FBXO15: variants seen among roughly 807,000 people sequenced by gnomAD.
FBXO15 encodes the protein F-box only protein 15.
FBXO15 carries 30 observed loss-of-function variants against 49.5 expected under a neutral mutation model. The observed-to-expected ratio is 0.61, with a 90% CI of 0.45 to 0.82. FBXO15 has a LOEUF of 0.82. FBXO15 is among the 40% of genes least tolerant of loss of function. FBXO15 has a pLI of 0.00. For synonymous variants in FBXO15, 250 were observed against 232.7 expected, an observed-to-expected ratio of 1.07 and a Z score of -0.68; for missense variants, 591 against 631.5, an observed-to-expected ratio of 0.94 and a Z score of 0.69.
chr18:74,136,892 T>G (rs1241109403), intron 2 of FBXO15, among the ~76,000 whole-genome samples: 2 of 152,188 alleles, frequency 1.3e-5, no homozygotes, highest in African/African-American at 4.8e-5. Context: ...AGAAATCTTT[T>G]GTCCAATTTA....
In FBXO15 at chr18:74,135,989, A is replaced by C. The variant is rs1978696346; in HGVS notation, c.228-123T>G. On this transcript the variant is annotated intron_variant, in intron 2 of 9. Coordinates refer to ENST00000419743, the MANE Select transcript of FBXO15 (RefSeq NM_001142958.2). The stretch of plus-strand genomic sequence containing the variant: ...AAGGCCGTAGAGAGACCCCTCCTGT[A>C]CAAGAGGCAAACTGTACCCTCATCT... 7 of 659,516 alleles carry C rather than the reference A, an allele frequency of 1.1e-5. No individual in the cohort carries two copies. The Admixed American group carries it at 2.2e-4, about 20-fold the overall frequency. The allele number at this position is 659,516 out of a possible 1,614,324, so 40.9% of individuals were successfully genotyped here. A position where few individuals can be genotyped will look rare whatever the true frequency, so the allele number is the denominator to read the frequency against.
intron 3 of FBXO15, among the ~76,000 whole-genome samples, chr18:74,134,768 G>A (rs1398964343): frequency 1.3e-5 from 2 of 152,144 alleles, no homozygotes; most frequent in East Asian, 3.9e-4. Flanking sequence ...TGGTTCATAT[G>A]TAGTCTTCCC....
intron 8 of FBXO15, among the ~76,000 whole-genome samples, chr18:74,110,198 T>TATATATATATATATATACATATGTGTGC (rs1568168418): frequency 2.4e-4 from 30 of 123,656 alleles, no homozygotes; most frequent in Middle Eastern, 3.9e-3. Flanking sequence ...TGTGTGCATA[T>TATATATATATATATATACATATGTGTGC]ATATATATAT....
chr18:74,103,660 C>G (rs747360163), intron 8 of FBXO15, among the ~76,000 whole-genome samples: 4 of 152,114 alleles, frequency 2.6e-5, no homozygotes, highest in Non-Finnish European at 5.9e-5. Context: ...AGCACAAATT[C>G]ATCTGGCAAT....
intron 8 of FBXO15, among the ~76,000 whole-genome samples, chr18:74,086,433 T>C (rs2145116001): frequency 6.6e-6 from 1 of 152,316 alleles, no homozygotes; most frequent in Admixed American, 6.5e-5. Context: ...TAGCGTTTTG[T>C]TTTGTTTTGT....
intron 8 of FBXO15, among the ~76,000 whole-genome samples, chr18:74,107,980 G>C (rs532295562): frequency 6.6e-6 from 1 of 152,104 alleles, no homozygotes; most frequent in Non-Finnish European, 1.5e-5. Context: ...ACTGAGAAGC[G>C]CCTGTGAAGT....
At chr18:74,078,297 C>T (rs1320711610) in intron 9 of FBXO15, among the ~76,000 whole-genome samples, 2 of 152,090 alleles carry the variant, frequency 1.3e-5, no homozygotes, top group African/African-American at 4.8e-5. Context: ...ACAGATACAC[C>T]AAAATCCAAA....
chr18:74,095,750 C>T (rs1913244488), intron 8 of FBXO15, among the ~76,000 whole-genome samples: 1 of 152,212 alleles, frequency 6.6e-6, no homozygotes. Flanking sequence ...AATAGATGTG[C>T]TTCATGCAGA....
At chr18:74,107,236 G>A in intron 8 of FBXO15, among the ~76,000 whole-genome samples, 1 of 149,754 alleles carries the variant, frequency 6.7e-6, no homozygotes, top group East Asian at 1.9e-4. Context: ...GTAATAATAT[G>A]GATGAATCTA....
chr18:74,115,061 C>T (rs150198760), intron 8 of FBXO15, among the ~76,000 whole-genome samples: 50 of 152,234 alleles, frequency 3.3e-4, no homozygotes, highest in Middle Eastern at 3.4e-3. Context: ...AGAGGACCTA[C>T]GGTCCTCCTA....
intron 2 of FBXO15, among the ~76,000 whole-genome samples, chr18:74,136,807 C>A (rs2145217094): frequency 6.6e-6 from 1 of 152,238 alleles, no homozygotes; most frequent in East Asian, 1.9e-4. Flanking sequence ...AGCAAAAGGG[C>A]AAGCGGCAAC....
intron 8 of FBXO15, among the ~76,000 whole-genome samples, chr18:74,093,034 C>G (rs572300056): frequency 6.6e-6 from 1 of 152,104 alleles, no homozygotes; most frequent in African/African-American, 2.4e-5. Flanking sequence ...GCAGAGCTGG[C>G]AACCTCCATG....
In FBXO15 at chr18:74,075,412, A is replaced by G. The variant is rs1456601309; in HGVS notation, c.1264-1682T>C. The stretch of plus-strand genomic sequence containing the variant: ...TTGCAAAGGCATGATGTCCCTCTCA[A>G]GTGACTACTTCTGTCCTCCCATCAG... On this transcript the variant is annotated intron_variant, in intron 9 of 9. Coordinates refer to ENST00000419743, the MANE Select transcript of FBXO15 (RefSeq NM_001142958.2). This position sits in a 1 kb window ranked among gnomAD's most constrained non-coding sequence, Gnocchi z 4.1. Among the ~76,000 whole-genome samples the G allele has an allele frequency of 6.6e-6, 1 of 152,112 alleles. No individual in the cohort carries two copies. Among genetic ancestry groups the G allele is most frequent in the African/African-American group, 2.4e-5 (1 of 41,420 alleles).
intron 8 of FBXO15, among the ~76,000 whole-genome samples, chr18:74,110,158 T>A (rs1286789704): frequency 8.0e-6 from 1 of 125,074 alleles, no homozygotes; most frequent in African/African-American, 3.1e-5. Flanking sequence ...TATATACATA[T>A]GTGTGCATAT....
chr18:74,089,163 G>T (rs1912898949), intron 8 of FBXO15, among the ~76,000 whole-genome samples: 2 of 151,998 alleles, frequency 1.3e-5, no homozygotes, highest in African/African-American at 2.4e-5. Flanking sequence ...GCCCCAGTGT[G>T]CGTTGTTCCC....
chr18:74,133,067 T>C (rs546688630), intron 3 of FBXO15, among the ~76,000 whole-genome samples: 1 of 152,362 alleles, frequency 6.6e-6, no homozygotes, highest in African/African-American at 2.4e-5. Context: ...AAACACATAT[T>C]GATTACTTGT....
At chr18:74,143,222 T>A (rs1275390600) in intron 1 of FBXO15, among the ~76,000 whole-genome samples, 1 of 152,214 alleles carries the variant, frequency 6.6e-6, no homozygotes, top group Admixed American at 6.5e-5. Context: ...AATACCTTAC[T>A]GAATCAGTAA....
At position 74,075,282 on chromosome 18, in the gene FBXO15, C is replaced by T. The variant is rs1029492624; in HGVS notation, c.1264-1552G>A. ...GGATGTTTTCCTCAACTTCCCACTG[C>T]AGATCCACAGCCCAGCTCCTCTGCG... On this transcript the variant is annotated intron_variant, in intron 9 of 9. Coordinates refer to ENST00000419743, the MANE Select transcript of FBXO15 (RefSeq NM_001142958.2). The surrounding 1 kb of genome is among the most constrained non-coding windows in gnomAD (Gnocchi z 4.1). Among the ~76,000 whole-genome samples the T allele has an allele frequency of 2.0e-5, 3 of 152,210 alleles. No homozygotes were observed. Among genetic ancestry groups the T allele is most frequent in the Non-Finnish European group, 4.4e-5 (3 of 68,032 alleles).
At chr18:74,139,628 T>C (rs1272557839) in intron 2 of FBXO15, among the ~76,000 whole-genome samples, 1 of 152,240 alleles carries the variant, frequency 6.6e-6, no homozygotes, top group Non-Finnish European at 1.5e-5. Flanking sequence ...CCTAGCTTCC[T>C]GCAGTGTAAA....
Sources: gnomAD v4.1 joint callset for allele counts (sites outside exome capture counted in the v4.1 genomes callset) on GRCh38, gnomAD v4.1.1 for gene constraint, Gnocchi (gnomAD v3.1) non-coding constraint, MANE v1.5 for transcripts, NCBI Gene and HGNC (gene_info 2026-07-23, HGNC 2026-07-21) for gene names.